Variants in KMT2E observed in about 807,000 individuals in gnomAD.
The protein encoded by KMT2E is histone reader KMT2E.
Under a neutral mutation model 184.6 loss-of-function variants are expected in KMT2E, and 30 were observed. The observed-to-expected ratio is 0.16, with a 90% confidence interval of 0.12 to 0.22. KMT2E has a LOEUF of 0.22. Ranked by LOEUF, KMT2E falls within the 10% of genes least tolerant of loss-of-function variation. The probability of loss-of-function intolerance (pLI) is 1.00; values close to 1 mark genes in which losing one functional copy is unlikely to be tolerated. For synonymous variants in KMT2E, 815 were observed against 776.5 expected, an observed-to-expected ratio of 1.05 and a Z score of -0.82; for missense variants, 2,023 against 2,237.4, an observed-to-expected ratio of 0.90 and a Z score of 1.93.
intron 19 of KMT2E, 133 bp downstream of exon 19, chr7:105,106,136 T>G (rs1006849098): frequency 3.2e-6 from 3 of 932,142 alleles, no homozygotes; most frequent in Non-Finnish European, 4.8e-6. Context: ...TTTTCTCTTT[T>G]CTGTCCTCTG....
chr7:105,077,648 T>C, intron 11 of KMT2E: 1 of 457,950 alleles, frequency 2.2e-6, no homozygotes, highest in Non-Finnish European at 3.9e-6. Flanking sequence ...TCCGGTCTCT[T>C]GCTCATGTCT....
chr7:105,094,349 A>C (rs568658773), intron 15 of KMT2E, among the ~76,000 whole-genome samples: 1 of 152,336 alleles, frequency 6.6e-6, no homozygotes, highest in South Asian at 2.1e-4. Context: ...CGTCAAACTG[A>C]TTTAAATTTC....
At chr7:105,035,111 G>GC (rs1429328015) in intron 1 of KMT2E, among the ~76,000 whole-genome samples, 1 of 146,792 alleles carries the variant, frequency 6.8e-6, no homozygotes, top group Non-Finnish European at 1.5e-5. Flanking sequence ...TGCACGCTCC[G>GC]CCTCCTGGGT....
chr7:105,107,337 ATT>A lies in KMT2E; in HGVS notation c.2905-15_2905-14del. ...GTCCCAAGATGTGATTATTTGTGTAATTTTTTTTTTTAATTTGTAAACAGGGA... is the reference window on the plus strand; with the variant it reads ...GTCCCAAGATGTGATTATTTGTGTAATTTTTTTTTAATTTGTAAACAGGGA... On this transcript the variant is annotated intron_variant, in intron 21 of 26. Transcript: ENST00000311117. The A allele has an allele frequency of 2.4e-6, 3 of 1,269,396 alleles. No individual in the cohort carries two copies. The highest frequency in any genetic ancestry group is 3.2e-6 in the Non-Finnish European group (3 of 933,892). The allele number at this position is 1,269,396 out of a possible 1,614,324, so 78.6% of individuals were successfully genotyped here.
At chr7:105,034,854 T>G (rs887522369) in intron 1 of KMT2E, among the ~76,000 whole-genome samples, 32 of 14,702 alleles carry the variant, frequency 2.2e-3, no homozygotes, top group East Asian at 2.2e-3. Context: ...GGCTTTTTTT[T>G]GGGGGGTGGG....
intron 3 of KMT2E, among the ~76,000 whole-genome samples, chr7:105,049,964 G>A (rs1406506979): frequency 6.6e-6 from 1 of 152,014 alleles, no homozygotes; most frequent in Non-Finnish European, 1.5e-5. Context: ...TTGCCCTCTG[G>A]ATCTTACCCC....
intron 6 of KMT2E, among the ~76,000 whole-genome samples, chr7:105,068,570 A>G (rs1192027890): frequency 6.7e-6 from 1 of 148,568 alleles, no homozygotes; most frequent in Non-Finnish European, 1.5e-5. Context: ...CTTCCACCTC[A>G]GCTTGCCAAG....
At chr7:105,065,549 C>G (rs1267733061) in intron 5 of KMT2E, among the ~76,000 whole-genome samples, 2 of 151,992 alleles carry the variant, frequency 1.3e-5, no homozygotes, top group Non-Finnish European at 2.9e-5. Context: ...AGTACTGAAC[C>G]CTACAGTACT....
intron 3 of KMT2E, among the ~76,000 whole-genome samples, chr7:105,042,214 C>A (rs1480748391): frequency 6.6e-6 from 1 of 152,138 alleles, no homozygotes. Flanking sequence ...TGGCCTCGAA[C>A]TCCTGGGCTC....
chr7:105,068,960 A>T (rs549445460), intron 6 of KMT2E, among the ~76,000 whole-genome samples: 2 of 152,244 alleles, frequency 1.3e-5, no homozygotes, highest in South Asian at 4.1e-4. Context: ...ACCCTTATTG[A>T]TGCTTAAATT....
At chr7:105,075,237 C>T (rs775103581) in intron 8 of KMT2E, among the ~76,000 whole-genome samples, 1 of 150,376 alleles carries the variant, frequency 6.6e-6, no homozygotes, top group Non-Finnish European at 1.5e-5. Context: ...ATTGTCTACA[C>T]ACAAATTTAT....
chr7:105,038,551 C>G (rs1486160673), intron 2 of KMT2E: 1 of 152,062 alleles, frequency 6.6e-6, no homozygotes, highest in East Asian at 1.9e-4. Context: ...TTAATAGAGA[C>G]AGAGTTTCAC....
chr7:105,098,131 A>G (rs1344073913), intron 15 of KMT2E, among the ~76,000 whole-genome samples: 3 of 152,224 alleles, frequency 2.0e-5, no homozygotes, highest in Admixed American at 6.5e-5. Context: ...GTTATATAAA[A>G]GGGTAACAAG....
Position 105,107,810 on chromosome 7 carries a change from AAAC to A in KMT2E, c.3357_3359del (p.Thr1120del), listed in dbSNP as rs1284375818. ...GATGATACTAGAGGCATGTTTATGG[AAAC>A]AACTGTGTTTTGTACTTCCGAAGAT... is the stretch of plus-strand genomic sequence containing the variant. On this transcript the variant is annotated inframe_deletion, in exon 22 of 27. Transcript: ENST00000311117. 3 of 1,614,060 alleles carry A rather than the reference AAAC, an allele frequency of 1.9e-6. No individual in the cohort carries two copies. In the African/African-American group the frequency reaches 4.0e-5, roughly 22 times the overall value.
In KMT2E at chr7:105,101,878, T is replaced by C. The variant is rs752837915; in HGVS notation, c.1888-8T>C. 1 of 1,593,964 alleles carries C rather than the reference T, an allele frequency of 6.3e-7. No individual in the cohort carries two copies. Among genetic ancestry groups the C allele is most frequent in the Non-Finnish European group, 8.5e-7 (1 of 1,172,048 alleles). On this transcript the variant is annotated splice_region_variant and splice_polypyrimidine_tract_variant and intron_variant, in intron 16 of 26. Transcript: ENST00000311117. ...TAAAAACTTCCATTCGCTTGTATTT[T>C]GAATTAGGAACAAGCAAAAGAAGAA...
At chr7:105,051,102 CTCTCTCTT>C (rs1461710492) in intron 3 of KMT2E, among the ~76,000 whole-genome samples, 1 of 150,038 alleles carries the variant, frequency 6.7e-6, no homozygotes, top group African/African-American at 2.5e-5. Flanking sequence ...TTTTCTCTCT[CTCTCTCTT>C]TCTTCCTTTC....
chr7:105,052,692 G>A (rs575725721), intron 3 of KMT2E, among the ~76,000 whole-genome samples: 45 of 151,826 alleles, frequency 3.0e-4, no homozygotes, highest in African/African-American at 1.0e-3. Flanking sequence ...CCAAGTAAAT[G>A]GGATTACAGC....
In KMT2E at chr7:105,113,601, T is replaced by A. The variant is rs1422794111; in HGVS notation, c.*268T>A. ...GATGCTGATTTGATGCTGTATGATC[T>A]TTTTTTTTTTTTTAGTTAAATTCAT... On this transcript the variant is annotated 3_prime_UTR_variant, in exon 27 of 27. Coordinates refer to ENST00000311117, the MANE Select transcript of KMT2E (RefSeq NM_182931.3). 7.8e-5 allele frequency: 7 copies of A among 90,056 alleles called. No homozygotes were observed. The highest frequency in any genetic ancestry group is 1.4e-3 in the East Asian group (2 of 1,428). The allele number at this position is 90,056 out of a possible 1,614,324, so 5.6% of individuals were successfully genotyped here.
intron 3 of KMT2E, among the ~76,000 whole-genome samples, chr7:105,055,284 C>T (rs1796534660): frequency 6.9e-6 from 1 of 145,184 alleles, no homozygotes; most frequent in East Asian, 2.0e-4. Context: ...AACTCTTGAG[C>T]TTAAGTGATT....
Sources: gnomAD v4.1 joint callset for allele counts (sites outside exome capture counted in the v4.1 genomes callset) on GRCh38, gnomAD v4.1.1 for gene constraint, MANE v1.5 for transcripts, NCBI Gene and HGNC (gene_info 2026-07-23, HGNC 2026-07-21) for gene names.